The following ATXN1 variants were observed in gnomAD, a reference collection of about 807,000 sequenced individuals.
ATXN1 encodes ataxin 1.
ATXN1 carries 8 observed loss-of-function variants against 56.4 expected under a neutral mutation model. That is an observed-to-expected ratio of 0.14 (90% CI 0.08 to 0.26). The LOEUF is 0.26. ATXN1 is among the 10% of genes least tolerant of loss of function. The pLI, the probability that ATXN1 is intolerant of heterozygous loss-of-function variation, is 1.00. For synonymous variants in ATXN1, 514 were observed against 494.6 expected, an observed-to-expected ratio of 1.04 and a Z score of -0.52; for missense variants, 987 against 1,106.5, an observed-to-expected ratio of 0.89 and a Z score of 1.53.
chr6:16,406,992 G>A (rs1362031108), intron 6 of ATXN1, among the ~76,000 whole-genome samples: 1 of 152,222 alleles, frequency 6.6e-6, no homozygotes, highest in East Asian at 1.9e-4. Flanking sequence ...TGGTCTTGCT[G>A]AGGAAATTAA....
At chr6:16,426,890 A>G (rs1481186525) in intron 6 of ATXN1, among the ~76,000 whole-genome samples, 1 of 148,466 alleles carries the variant, frequency 6.7e-6, no homozygotes, top group African/African-American at 2.5e-5. Context: ...AAAAAAAAAG[A>G]CCAAGTAGAG....
chr6:16,742,494 G>A (rs571097630), intron 2 of ATXN1, among the ~76,000 whole-genome samples: 1 of 152,290 alleles, frequency 6.6e-6, no homozygotes, highest in South Asian at 2.1e-4. Flanking sequence ...CTCTCCTCTG[G>A]GGGTGCTGCA....
intron 2 of ATXN1, among the ~76,000 whole-genome samples, chr6:16,679,723 C>G (rs1010452774): frequency 1.3e-5 from 2 of 152,142 alleles, no homozygotes; most frequent in African/African-American, 4.8e-5. Context: ...ACATTCAAAC[C>G]ATTCCTCTTT....
At chr6:16,644,505 C>T (rs1206369616) in intron 3 of ATXN1, among the ~76,000 whole-genome samples, 1 of 133,228 alleles carries the variant, frequency 7.5e-6, no homozygotes, top group Non-Finnish European at 1.5e-5. Context: ...CAGAGCAAGA[C>T]TCCGTTTCAA....
rs572736727 is a variant in ATXN1, at chr6:16,326,203, C to A, written c.1917+191G>T. ...TCCATGCATGGAGGTTAATTCATTA[C>A]ACACAGCAGAGATCACGGGGAAATG... On this transcript the variant is annotated intron_variant, in intron 7 of 7. Coordinates refer to ENST00000436367, the MANE Select transcript of ATXN1 (RefSeq NM_001128164.2). The surrounding 1 kb of genome is among the most constrained non-coding windows in gnomAD (Gnocchi z 6.6). 6.6e-6 allele frequency among the ~76,000 whole-genome samples: 1 copy of A among 152,308 alleles called. No individual in the cohort carries two copies. Among genetic ancestry groups the A allele is most frequent in the African/African-American group, 2.4e-5 (1 of 41,560 alleles).
chr6:16,373,689 TC>T (rs1762090163), intron 6 of ATXN1, among the ~76,000 whole-genome samples: 1 of 152,206 alleles, frequency 6.6e-6, no homozygotes, highest in Non-Finnish European at 1.5e-5. Context: ...ATAAGAGGTT[TC>T]CCCTTTTGAT....
intron 6 of ATXN1, among the ~76,000 whole-genome samples, chr6:16,426,605 GTA>G (rs1461018874): frequency 8.1e-6 from 1 of 122,920 alleles, no homozygotes; most frequent in Non-Finnish European, 1.8e-5. Flanking sequence ...GTGTGTGTCT[GTA>G]TGTGTGTGTG....
At chr6:16,344,332 A>C (rs185596410) in intron 6 of ATXN1, among the ~76,000 whole-genome samples, 3 of 152,340 alleles carry the variant, frequency 2.0e-5, no homozygotes, top group Admixed American at 6.5e-5. Context: ...GATTGGATTG[A>C]AGGATGCAAA....
chr6:16,628,576 T>C (rs1763448628), intron 3 of ATXN1, among the ~76,000 whole-genome samples: 1 of 152,182 alleles, frequency 6.6e-6, no homozygotes, highest in African/African-American at 2.4e-5. Flanking sequence ...ATACTAAGCC[T>C]AGTACCCAAT....
At chr6:16,723,961 A>C (rs1759797156) in intron 2 of ATXN1, among the ~76,000 whole-genome samples, 1 of 152,218 alleles carries the variant, frequency 6.6e-6, no homozygotes, top group Non-Finnish European at 1.5e-5. Context: ...TACACAAATC[A>C]TAAAAGAGAC....
At chr6:16,405,691 C>A (rs143822384) in intron 6 of ATXN1, among the ~76,000 whole-genome samples, 3 of 152,322 alleles carry the variant, frequency 2.0e-5, no homozygotes, top group African/African-American at 7.2e-5. Context: ...CTGGAGGAGT[C>A]TACAACCCCA....
chr6:16,492,642 G>C (rs1298240601), intron 5 of ATXN1, among the ~76,000 whole-genome samples: 1 of 151,586 alleles, frequency 6.6e-6, no homozygotes, highest in East Asian at 1.9e-4. Context: ...CTCTGAGATG[G>C]TACTTTCTTG....
At chr6:16,324,555 CTA>C (rs1418586083) in intron 7 of ATXN1, among the ~76,000 whole-genome samples, 1 of 151,946 alleles carries the variant, frequency 6.6e-6, no homozygotes, top group Non-Finnish European at 1.5e-5. Flanking sequence ...TATTTCATGA[CTA>C]TTTTCAACTC....
intron 4 of ATXN1, among the ~76,000 whole-genome samples, chr6:16,565,511 G>A (rs1157016777): frequency 6.6e-6 from 1 of 152,072 alleles, no homozygotes; most frequent in East Asian, 1.9e-4. Flanking sequence ...TTAAAGGAAC[G>A]TTGAGGTTAA....
intron 3 of ATXN1, among the ~76,000 whole-genome samples, chr6:16,586,185 G>A (rs1055097959): frequency 1.6e-4 from 25 of 152,012 alleles, no homozygotes; most frequent in African/African-American, 5.3e-4. Flanking sequence ...TCCCCTTGAG[G>A]ACACCACTAT....
chr6:16,721,120 C>T (rs1321856100), intron 2 of ATXN1, among the ~76,000 whole-genome samples: 1 of 152,138 alleles, frequency 6.6e-6, no homozygotes, highest in Non-Finnish European at 1.5e-5. Flanking sequence ...AAGATGGTTC[C>T]CTTAAGACAG....
At chr6:16,582,604 A>G (rs1762549720) in intron 4 of ATXN1, among the ~76,000 whole-genome samples, 1 of 152,208 alleles carries the variant, frequency 6.6e-6, no homozygotes, top group South Asian at 2.1e-4. Context: ...ACATGAATGC[A>G]AAAATGGTGT....
At position 16,328,325 on chromosome 6, in the gene ATXN1, C is replaced by G. The variant is rs772199402; in HGVS notation, c.-15G>C. The G allele has an allele frequency of 8.0e-6, 12 of 1,496,562 alleles. No homozygotes were observed. Among genetic ancestry groups the G allele is most frequent in the African/African-American group, 2.8e-5 (2 of 71,610 alleles). 92.7% of individuals were successfully genotyped at this position (1,496,562 alleles called of 1,614,324 possible). A position where few individuals can be genotyped will look rare whatever the true frequency, so the allele number is the denominator to read the frequency against. On this transcript the variant is annotated 5_prime_UTR_variant, in exon 7 of 8. Coordinates refer to ENST00000436367, the MANE Select transcript of ATXN1 (RefSeq NM_001128164.2). The surrounding 1 kb of genome is among the most constrained non-coding windows in gnomAD (Gnocchi z 6.2). ...TTGGATTTCATTTTTCGCCGTCCCC[C>G]CTCCACGGTGACTGTTTCACTGTCT...
chr6:16,412,635 C>T (rs764853845), intron 6 of ATXN1, among the ~76,000 whole-genome samples: 1 of 152,206 alleles, frequency 6.6e-6, no homozygotes, highest in Non-Finnish European at 1.5e-5. Flanking sequence ...TTCAGTGCCG[C>T]TCAAGGAGCT....
Sources: gnomAD v4.1 joint callset for allele counts (sites outside exome capture counted in the v4.1 genomes callset) on GRCh38, gnomAD v4.1.1 for gene constraint, Gnocchi (gnomAD v3.1) non-coding constraint, MANE v1.5 for transcripts, NCBI Gene and HGNC (gene_info 2026-07-23, HGNC 2026-07-21) for gene names.